Variants in SCN8A observed in about 807,000 individuals in gnomAD.
SCN8A encodes sodium voltage-gated channel alpha subunit 8, also known as sodium channel protein type 8 subunit alpha.
In SCN8A, 30 loss-of-function variants were observed where a neutral mutation model predicts 184.1. The observed-to-expected ratio is 0.16, with a 90% confidence interval of 0.12 to 0.22. The LOEUF (loss-of-function observed/expected upper bound fraction) is 0.22. SCN8A is among the 10% of genes least tolerant of loss of function. The pLI is 1.00. For missense variants in SCN8A, 1,057 were observed against 2,498.9 expected (o/e 0.42, Z 12.30); for synonymous variants, 852 against 907.0 (o/e 0.94, Z 1.09).
At chr12:51,751,930 C>T (rs1942601534) in intron 14 of SCN8A, among the ~76,000 whole-genome samples, 1 of 152,136 alleles carries the variant, frequency 6.6e-6, no homozygotes, top group South Asian at 2.1e-4. Flanking sequence ...ACATTGATTC[C>T]TGCATTGCTC....
chr12:51,637,318 G>A (rs1269455642), intron 1 of SCN8A, among the ~76,000 whole-genome samples: 1 of 152,140 alleles, frequency 6.6e-6, no homozygotes, highest in East Asian at 1.9e-4. Flanking sequence ...AGGAAGAGTT[G>A]CACATCTGTC....
At chr12:51,705,665 A>T in intron 10 of SCN8A, 42 bp downstream of exon 10, 1 of 1,543,116 alleles carries the variant, frequency 6.5e-7, no homozygotes, top group Non-Finnish European at 8.9e-7. Context: ...CTGCCAGATC[A>T]TGGTGACTAA....
rs183783085 is a variant in SCN8A, at chr12:51,802,537, G to A, written c.4796-3745G>A. ...AGCCACTTGCGTGGTAAGAACTTGT[G>A]TCTGATTTTCCGCAAATTCAGCCCT... On this transcript the variant is annotated intron_variant, in intron 26 of 26. Coordinates refer to ENST00000627620, the MANE Select transcript of SCN8A (RefSeq NM_001330260.2). Among the ~76,000 whole-genome samples the A allele has an allele frequency of 2.0e-5, 3 of 152,312 alleles. No homozygotes were observed. In the East Asian group the frequency reaches 5.8e-4, roughly 29 times the overall value.
At chr12:51,789,791 T>C (rs1430976781) in intron 24 of SCN8A, among the ~76,000 whole-genome samples, 1 of 152,258 alleles carries the variant, frequency 6.6e-6, no homozygotes, top group Non-Finnish European at 1.5e-5. Flanking sequence ...AGTCAATCTC[T>C]GAGCACAAGC....
intron 14 of SCN8A, among the ~76,000 whole-genome samples, chr12:51,757,111 A>G (rs1942687613): frequency 6.6e-6 from 1 of 152,196 alleles, no homozygotes; most frequent in Non-Finnish European, 1.5e-5. Context: ...TGGTTGGGTA[A>G]CCAACCACCT....
chr12:51,721,159 TAATA>T (rs1015388665), intron 11 of SCN8A, among the ~76,000 whole-genome samples: 95 of 142,662 alleles, frequency 6.7e-4, no homozygotes, highest in African/African-American at 2.1e-3. Context: ...ATATATATGA[TAATA>T]AATAAATTCT....
chr12:51,721,428 T>C (rs1942058355), intron 11 of SCN8A, 118 bp from the exon 12 acceptor site: 5 of 1,052,772 alleles, frequency 4.7e-6, no homozygotes, highest in Non-Finnish European at 6.7e-6. Flanking sequence ...ACTTGTGTTC[T>C]GATCACAGGA....
intron 14 of SCN8A, among the ~76,000 whole-genome samples, chr12:51,754,167 G>A (rs1942637495): frequency 6.6e-6 from 1 of 152,162 alleles, no homozygotes; most frequent in South Asian, 2.1e-4. Context: ...GGGAAGCTGT[G>A]TGACTTATAC....
chr12:51,735,365 C>T (rs1565904642), intron 12 of SCN8A, among the ~76,000 whole-genome samples: 1 of 152,304 alleles, frequency 6.6e-6, no homozygotes, highest in East Asian at 1.9e-4. Context: ...TCTTCCTAAA[C>T]AAGTACGTTC....
intron 1 of SCN8A, among the ~76,000 whole-genome samples, chr12:51,645,409 G>C (rs924443060): frequency 2.6e-5 from 4 of 152,050 alleles, no homozygotes; most frequent in Admixed American, 2.6e-4. Context: ...CGCCTACTGG[G>C]AAGTGAGGAG....
chr12:51,693,113 A>G (rs1205722376), intron 6 of SCN8A, among the ~76,000 whole-genome samples: 1 of 152,230 alleles, frequency 6.6e-6, no homozygotes, highest in Non-Finnish European at 1.5e-5. Flanking sequence ...TTCCCATCCC[A>G]GTATTCACAA....
chr12:51,780,581 T>TGGTTTCC, intron 20 of SCN8A, 68 bp from the exon 21 acceptor site: 1 of 277,150 alleles, frequency 3.6e-6, no homozygotes, highest in Non-Finnish European at 6.2e-6. Context: ...TTTTTTTTTT[T>TGGTTTCC]TTTTTTTTTT....
chr12:51,657,050 A>T (rs1206452543), intron 1 of SCN8A, among the ~76,000 whole-genome samples: 3 of 152,144 alleles, frequency 2.0e-5, no homozygotes, highest in Non-Finnish European at 4.4e-5. Flanking sequence ...AAATAAGTAC[A>T]TGTGTGTGCA....
At chr12:51,773,681 C>G (rs1230315844) in intron 19 of SCN8A, among the ~76,000 whole-genome samples, 1 of 152,230 alleles carries the variant, frequency 6.6e-6, no homozygotes, top group Admixed American at 6.5e-5. Flanking sequence ...GAAAGCATGT[C>G]TACCTAAAAA....
chr12:51,762,508 C>A lies in SCN8A; in HGVS notation c.2376C>A (p.Phe792Leu). 1 of 1,613,060 alleles carries A rather than the reference C, an allele frequency of 6.2e-7. No individual in the cohort carries two copies. Among genetic ancestry groups the A allele is most frequent in the South Asian group, 1.1e-5 (1 of 90,896 alleles). The change falls in exon 15 of 27, where the codon TTC becomes TTA. Residue 792 changes from phenylalanine to leucine, a missense_variant. Physicochemically the swap from Phe to Leu is conservative, Grantham distance 22. Coordinates refer to ENST00000627620, the MANE Select transcript of SCN8A (RefSeq NM_001330260.2). ...CCCTGCATCCCCCTATTTAGGTTTT[C>A]ACTGGAATTTTCACAGCGGAAATGT... ...EHVLAVGNLV[F>L]TGIFTAEMFL... is the part of the protein sequence containing the mutation.
chr12:51,672,215 G>C (rs956733834), intron 2 of SCN8A, among the ~76,000 whole-genome samples: 3 of 152,130 alleles, frequency 2.0e-5, no homozygotes, highest in Non-Finnish European at 4.4e-5. Flanking sequence ...AAATTGTAAA[G>C]AGGAGGGTTT....
intron 11 of SCN8A, among the ~76,000 whole-genome samples, chr12:51,716,549 A>T (rs922335660): frequency 6.6e-6 from 1 of 152,158 alleles, no homozygotes; most frequent in African/African-American, 2.4e-5. Flanking sequence ...GCTGCATGGT[A>T]GGGTGTATGA....
Position 51,783,848 on chromosome 12 carries a change from A to G in SCN8A, c.3943-2694A>G, listed in dbSNP as rs1014353189. Among the ~76,000 whole-genome samples, 7 of 152,232 alleles carry G rather than the reference A, an allele frequency of 4.6e-5. No homozygotes were observed. In the South Asian group the frequency reaches 1.2e-3, roughly 27 times the overall value. ...AAAAATACTGTAAGAATTAATATCC[A>G]TTGGAATTTTCTCATCAATTAAATG... On this transcript the variant is annotated intron_variant, in intron 21 of 26. Coordinates refer to ENST00000627620, the MANE Select transcript of SCN8A (RefSeq NM_001330260.2).
At position 51,670,868 on chromosome 12, in the gene SCN8A, A is replaced by G. The variant is rs373552139; in HGVS notation, c.276+7775A>G. On this transcript the variant is annotated intron_variant, in intron 2 of 26. Coordinates refer to ENST00000627620, the MANE Select transcript of SCN8A (RefSeq NM_001330260.2). The stretch of plus-strand genomic sequence containing the variant: ...GATAAATTGTTACTGAGTGTTTTCT[A>G]TATGCCGGGGCTCTGTTCCGTGCCC... Among the ~76,000 whole-genome samples, 317 of 152,300 alleles carry G rather than the reference A, an allele frequency of 2.1e-3. 2 individuals carry two copies. The highest frequency in any genetic ancestry group is 7.2e-3 in the African/African-American group (301 of 41,558).
Sources: gnomAD v4.1 joint callset for allele counts (sites outside exome capture counted in the v4.1 genomes callset) on GRCh38, gnomAD v4.1.1 for gene constraint, MANE v1.5 for transcripts, NCBI Gene and HGNC (gene_info 2026-07-23, HGNC 2026-07-21) for gene names.